Variants in RELB observed in about 807,000 individuals in gnomAD.
RELB encodes transcription factor RelB.
In RELB, 14 loss-of-function variants were observed where a neutral mutation model predicts 55.4. The ratio of observed to expected loss-of-function variants is 0.25; its 90% CI spans 0.17 to 0.40. The LOEUF is 0.40. Ranked by LOEUF, RELB falls within the 10% of genes least tolerant of loss-of-function variation. The pLI, the probability that RELB is intolerant of heterozygous loss-of-function variation, is 1.00. For synonymous variants in RELB, 409 were observed against 371.3 expected, an observed-to-expected ratio of 1.10 and a Z score of -1.17; for missense variants, 669 against 830.7, an observed-to-expected ratio of 0.81 and a Z score of 2.39.
At chr19:45,009,881 G>GCACTTC in intron 3 of RELB, 59 bp downstream of exon 3, 2 of 1,473,828 alleles carry the variant, frequency 1.4e-6, no homozygotes, top group South Asian at 2.3e-5. Flanking sequence ...CTACAGAAGG[G>GCACTTC]GGTCTTGGCC....
intron 3 of RELB, among the ~76,000 whole-genome samples, chr19:45,010,407 C>T (rs1971336224): frequency 6.6e-6 from 1 of 150,620 alleles, no homozygotes; most frequent in Non-Finnish European, 1.5e-5. Context: ...TAGCCATGAA[C>T]AAAACCAAGT....
intron 10 of RELB, 44 bp downstream of exon 10, chr19:45,034,356 G>C (rs1210039791): frequency 6.2e-7 from 1 of 1,608,466 alleles, no homozygotes; most frequent in South Asian, 1.1e-5. Flanking sequence ...CCAGGTTCTG[G>C]GGAGGGGACA....
chr19:45,009,733 G>T, intron 2 of RELB, 81 bp from the exon 3 acceptor site: 1 of 1,510,490 alleles, frequency 6.6e-7, no homozygotes, highest in South Asian at 1.1e-5. Flanking sequence ...GACAGGGTTG[G>T]GGAATCTGTC....
chr19:45,020,422 C>T (rs1016851073), intron 4 of RELB, among the ~76,000 whole-genome samples: 1 of 151,860 alleles, frequency 6.6e-6, no homozygotes, highest in South Asian at 2.1e-4. Context: ...CGGGGTTGCC[C>T]AGGCTGGTCT....
intron 2 of RELB, among the ~76,000 whole-genome samples, chr19:45,008,062 C>T (rs1413547531): frequency 4.1e-5 from 6 of 146,390 alleles, no homozygotes; most frequent in Admixed American, 1.4e-4. Context: ...CTCAGCTACT[C>T]GGGAGGCTGA....
intron 11 of RELB, among the ~76,000 whole-genome samples, chr19:45,034,777 C>A (rs979941665): frequency 3.3e-5 from 5 of 152,024 alleles, no homozygotes; most frequent in African/African-American, 4.8e-5. Context: ...CTCAGGGACT[C>A]CTTTGAAAAG....
In RELB at chr19:45,032,295, T is replaced by C. The variant is rs1441768560; in HGVS notation, c.992-239T>C. On this transcript the variant is annotated intron_variant, in intron 8 of 11. Coordinates refer to ENST00000221452, the MANE Select transcript of RELB (RefSeq NM_006509.4). ...TTAGCCGGGCGTGGTGGCATATGCC[T>C]GTAATCCCAGCTATTCCGGAGGCTG... 4 of 449,342 alleles carry C rather than the reference T, an allele frequency of 8.9e-6. No homozygotes were observed. In the South Asian group the frequency reaches 1.0e-4, roughly 12 times the overall value. The allele number at this position is 449,342 out of a possible 1,614,324, so 27.8% of individuals were successfully genotyped here. A position where few individuals can be genotyped will look rare whatever the true frequency, so the allele number is the denominator to read the frequency against.
chr19:45,025,252 G>A, intron 5 of RELB, 77 bp from the exon 6 acceptor site: 2 of 991,398 alleles, frequency 2.0e-6, no homozygotes, highest in Admixed American at 2.0e-5. Flanking sequence ...AGCAGCATCT[G>A]CCAGAGCCCT....
chr19:45,019,645 GTCTCTCTCCTTCTCTCTT>G (rs1219283861), intron 4 of RELB, among the ~76,000 whole-genome samples: 3 of 151,924 alleles, frequency 2.0e-5, no homozygotes, highest in Non-Finnish European at 4.4e-5. Context: ...TATCTCATTA[GTCTCTCTCCTTCTCTCTT>G]TATTTATGTA....
chr19:45,011,795 TGTGA>T (rs1379241276), intron 3 of RELB, 137 bp from the exon 4 acceptor site: 4 of 199,838 alleles, frequency 2.0e-5, no homozygotes, highest in South Asian at 7.5e-5. Flanking sequence ...TGTGTGTGTG[TGTGA>T]GAGAGAGAGA....
At chr19:45,011,298 G>C (rs1971347683) in intron 3 of RELB, among the ~76,000 whole-genome samples, 1 of 152,024 alleles carries the variant, frequency 6.6e-6, no homozygotes, top group Non-Finnish European at 1.5e-5. Context: ...GAGTTGCTGG[G>C]ACTACAGGCA....
intron 11 of RELB, 119 bp downstream of exon 11, chr19:45,034,647 C>A: frequency 2.6e-6 from 2 of 766,414 alleles, no homozygotes; most frequent in South Asian, 3.4e-5. Flanking sequence ...TCACTCAGCA[C>A]TTAGCCAGCA....
intron 1 of RELB, 99 bp from the exon 2 acceptor site, chr19:45,002,850 G>C: frequency 1.0e-6 from 1 of 981,378 alleles, no homozygotes; most frequent in Non-Finnish European, 1.6e-6. Context: ...GATCCAGAGG[G>C]GAAGGGCTAG....
At chr19:45,037,278 T>G in intron 11 of RELB, 127 bp from the exon 12 acceptor site, 1 of 1,019,940 alleles carries the variant, frequency 9.8e-7, no homozygotes, top group Non-Finnish European at 1.4e-6. Context: ...TGAGACTCCA[T>G]CTCAGAAAAA....
At chr19:45,023,393 T>TTTCCTTTC (rs1971513124) in intron 5 of RELB, among the ~76,000 whole-genome samples, 1 of 144,578 alleles carries the variant, frequency 6.9e-6, no homozygotes, top group Non-Finnish European at 1.5e-5. Flanking sequence ...TGCAGTTTTC[T>TTTCCTTTC]TTCCTTCCTT....
At chr19:45,034,628 C>T (rs1444655223) in intron 11 of RELB, 100 bp downstream of exon 11, 34 of 951,390 alleles carry the variant, frequency 3.6e-5, no homozygotes, top group Non-Finnish European at 5.2e-5. Context: ...AGAGCAGCCA[C>T]AAGGCGAGTC....
chr19:45,037,568 C>T lies in RELB; in HGVS notation c.1518C>T (p.Pro506=), dbSNP rs200452408. The part of the protein sequence containing the change: ...PTLFTMLDLL[P]PAPPHASAVV... The stretch of plus-strand genomic sequence containing the variant: ...TCTTCACCATGCTGGACCTGCTGCC[C>T]CCGGCACCGCCACACGCTAGCGCTG... The change falls in exon 12 of 12, where the codon CCC becomes CCT. Residue 506 remains proline, a synonymous_variant. Transcript: ENST00000221452. 64 of 1,612,770 alleles carry T rather than the reference C, an allele frequency of 4.0e-5. No homozygotes were observed. In the East Asian group the frequency reaches 1.4e-3, roughly 34 times the overall value.
intron 5 of RELB, among the ~76,000 whole-genome samples, chr19:45,024,590 G>T (rs1047035099): frequency 6.6e-6 from 1 of 150,596 alleles, no homozygotes; most frequent in Non-Finnish European, 1.5e-5. Context: ...TTGCTCTGTC[G>T]CCAGGCTGAA....
chr19:45,015,371 A>G (rs974571176), intron 4 of RELB, among the ~76,000 whole-genome samples: 5 of 152,100 alleles, frequency 3.3e-5, no homozygotes, highest in Admixed American at 6.6e-5. Context: ...AAAGACAGTA[A>G]GACCCGAGAG....
Sources: allele counts gnomAD v4.1 joint callset (sites outside exome capture counted in the v4.1 genomes callset), GRCh38; gene constraint gnomAD v4.1.1; transcripts MANE v1.5; gene names NCBI Gene and HGNC (gene_info 2026-07-23, HGNC 2026-07-21).